Variants in MYBPC1 observed in about 807,000 individuals in gnomAD.
The protein encoded by MYBPC1 is myosin-binding protein C, slow-type.
MYBPC1 carries 52 observed loss-of-function variants against 147.1 expected under a neutral mutation model. The ratio of observed to expected loss-of-function variants is 0.35; its 90% CI spans 0.28 to 0.45. MYBPC1 has a LOEUF of 0.45. MYBPC1 is among the 20% of genes least tolerant of loss of function. The pLI, the probability that MYBPC1 is intolerant of heterozygous loss-of-function variation, is 1.00. For missense variants in MYBPC1, 1,228 were observed against 1,440.3 expected (o/e 0.85, Z 2.39); for synonymous variants, 477 against 475.9 (o/e 1.00, Z -0.03).
At chr12:101,631,854 A>T in intron 7 of MYBPC1, 135 bp downstream of exon 7, 1 of 1,406,642 alleles carries the variant, frequency 7.1e-7, no homozygotes, top group South Asian at 1.2e-5. Flanking sequence ...CAGTGTCTAC[A>T]CTCTATTGCG....
intron 3 of MYBPC1, among the ~76,000 whole-genome samples, chr12:101,620,023 C>T (rs1361435166): frequency 1.3e-5 from 2 of 152,114 alleles, no homozygotes; most frequent in Non-Finnish European, 2.9e-5. Context: ...AGCCAATTTC[C>T]CAGCACGGGG....
At chr12:101,652,984 A>G in intron 17 of MYBPC1, 131 bp from the exon 18 acceptor site, 1 of 1,314,984 alleles carries the variant, frequency 7.6e-7, no homozygotes, top group Non-Finnish European at 1.1e-6. Flanking sequence ...GGCACCAACT[A>G]TCTTGACTCC....
Position 101,644,780 on chromosome 12 carries a change from A to G in MYBPC1, c.949A>G (p.Ile317Val), listed in dbSNP as rs1256047915. 1 of 1,613,972 alleles carries G rather than the reference A, an allele frequency of 6.2e-7. No individual in the cohort carries two copies. Among genetic ancestry groups the G allele is most frequent in the Non-Finnish European group, 8.5e-7 (1 of 1,179,898 alleles). The change falls in exon 12 of 32, where the codon ATT becomes GTT. Residue 317 changes from isoleucine (I) to valine (V), a missense_variant. Ile to Val is a conservative substitution (Grantham distance 29). Transcript: ENST00000361466. ...GAAATGGTATAAAAATGGTCAAGAA[A>G]TTCGACCCAGTACCAAGTAAGTGGG... ...EVKWYKNGQE[I>V]RPSTKYIFEH...
downstream of MYBPC1, among the ~76,000 whole-genome samples, chr12:101,689,688 A>C (rs1034219457): frequency 6.6e-6 from 1 of 152,226 alleles, no homozygotes. Context: ...GGAATTATGG[A>C]AGCTGAGACA....
At chr12:101,643,080 G>A (rs141846786) in intron 11 of MYBPC1, among the ~76,000 whole-genome samples, 1 of 152,182 alleles carries the variant, frequency 6.6e-6, no homozygotes, top group African/African-American at 2.4e-5. Context: ...AGAAAAAAAG[G>A]AGAGAAAGGA....
intron 31 of MYBPC1, 29 bp from the exon 32 acceptor site, chr12:101,685,553 T>C: frequency 7.0e-7 from 1 of 1,438,250 alleles, no homozygotes; most frequent in Non-Finnish European, 9.4e-7. Flanking sequence ...TGGTTTTGAT[T>C]TGTCTGTTTT....
chr12:101,599,599 T>G (rs1217429470), intron 1 of MYBPC1, among the ~76,000 whole-genome samples: 2 of 152,204 alleles, frequency 1.3e-5, no homozygotes, highest in Non-Finnish European at 2.9e-5. Context: ...GAAATCAATT[T>G]GTCTTTGGAA....
At chr12:101,678,322 C>A in intron 28 of MYBPC1, 84 bp downstream of exon 28, 3 of 1,562,860 alleles carry the variant, frequency 1.9e-6, no homozygotes, top group Non-Finnish European at 1.8e-6. Flanking sequence ...TAAACAAATC[C>A]AGCTGCTACT....
chr12:101,671,264 A>G (rs1008340266), intron 24 of MYBPC1, among the ~76,000 whole-genome samples: 2 of 151,722 alleles, frequency 1.3e-5, no homozygotes, highest in African/African-American at 4.8e-5. Context: ...CGTATCAGCC[A>G]GCCTGGCCTT....
chr12:101,651,476 T>C, intron 16 of MYBPC1, 83 bp downstream of exon 16: 1 of 1,554,998 alleles, frequency 6.4e-7, no homozygotes. Flanking sequence ...TTGGTGAGGA[T>C]ATTTGAAGGG....
Position 101,646,620 on chromosome 12 carries a change from C to T in MYBPC1, c.966-143C>T, listed in dbSNP as rs112934701. 2.5e-3 allele frequency: 2,316 copies of T among 935,758 alleles called. 44 individuals are homozygous for T. In the African/African-American group the frequency reaches 0.034, roughly 14 times the overall value. The allele number at this position is 935,758 out of a possible 1,614,324, so 58.0% of individuals were successfully genotyped here. A position where few individuals can be genotyped will look rare whatever the true frequency, so the allele number is the denominator to read the frequency against. ...CACCACTGCACTCCTGCCTGTGCAACAGAGCAAGACCCTGTCTCAAAAAAA... is the reference window on the plus strand; with the variant it reads ...CACCACTGCACTCCTGCCTGTGCAATAGAGCAAGACCCTGTCTCAAAAAAA... On this transcript the variant is annotated intron_variant, in intron 12 of 31. Transcript: ENST00000361466.
chr12:101,612,124 G>A (rs1231510452), intron 1 of MYBPC1, among the ~76,000 whole-genome samples: 1 of 151,408 alleles, frequency 6.6e-6, no homozygotes, highest in Non-Finnish European at 1.5e-5. Context: ...AGAGCCTTGA[G>A]AAAAATATTG....
chr12:101,657,692 C>A (rs1895773385), intron 18 of MYBPC1, among the ~76,000 whole-genome samples: 1 of 152,088 alleles, frequency 6.6e-6, no homozygotes, highest in Non-Finnish European at 1.5e-5. Context: ...CAAATTGAAT[C>A]AATAATTAAT....
At chr12:101,627,169 A>G (rs1313145368) in intron 4 of MYBPC1, among the ~76,000 whole-genome samples, 1 of 152,284 alleles carries the variant, frequency 6.6e-6, no homozygotes, top group South Asian at 2.1e-4. Context: ...AGGGGTCAAC[A>G]TATCTGTCTT....
downstream of MYBPC1, among the ~76,000 whole-genome samples, chr12:101,686,768 G>A (rs940316417): frequency 5.3e-5 from 8 of 152,182 alleles, no homozygotes; most frequent in African/African-American, 1.7e-4. Flanking sequence ...ATTTTAGCTG[G>A]GAAGTTCTAT....
At chr12:101,692,331 A>G in the MYBPC1 span, among the ~76,000 whole-genome samples, 2 of 152,222 alleles carry the variant, frequency 1.3e-5, no homozygotes, top group Non-Finnish European at 2.9e-5. Flanking sequence ...CAAAACCAAC[A>G]TGATATATAG....
chr12:101,613,917 CT>C (rs1276068454), intron 1 of MYBPC1, among the ~76,000 whole-genome samples: 2 of 152,194 alleles, frequency 1.3e-5, no homozygotes, highest in Non-Finnish European at 2.9e-5. Flanking sequence ...TTCATGTCAT[CT>C]GCTTTCAGAA....
intron 26 of MYBPC1, among the ~76,000 whole-genome samples, chr12:101,675,638 C>T (rs545868503): frequency 6.6e-6 from 1 of 152,324 alleles, no homozygotes; most frequent in Non-Finnish European, 1.5e-5. Flanking sequence ...ATAAGGACCA[C>T]ACGTGACCAC....
At chr12:101,670,175 T>C (rs913420112) in intron 23 of MYBPC1, 146 bp from the exon 24 acceptor site, 159 of 755,144 alleles carry the variant, frequency 2.1e-4, no homozygotes, top group South Asian at 6.4e-4. Context: ...AGTTACTATA[T>C]ATCGTCTGTT....
Sources: allele counts gnomAD v4.1 joint callset (sites outside exome capture counted in the v4.1 genomes callset), GRCh38; gene constraint gnomAD v4.1.1; transcripts MANE v1.5; gene names NCBI Gene and HGNC (gene_info 2026-07-23, HGNC 2026-07-21).